Variants in UTP20 observed in about 807,000 individuals in gnomAD.
The protein encoded by UTP20 is UTP20 small subunit processome component.
Under a neutral mutation model 329.5 loss-of-function variants are expected in UTP20, and 164 were observed. The observed-to-expected ratio is 0.50, with a 90% CI of 0.44 to 0.57. The LOEUF (loss-of-function observed/expected upper bound fraction) is 0.57. UTP20 is among the 20% of genes least tolerant of loss of function. The pLI is 0.00. For missense variants in UTP20, 3,055 were observed against 3,284.2 expected, an observed-to-expected ratio of 0.93 and a Z score of 1.71; for synonymous variants, 1,151 against 1,159.3, an observed-to-expected ratio of 0.99 and a Z score of 0.14.
intron 2 of UTP20, among the ~76,000 whole-genome samples, chr12:101,284,760 C>T (rs1448699236): frequency 6.6e-6 from 1 of 152,130 alleles, no homozygotes; most frequent in African/African-American, 2.4e-5. Context: ...CCCATTATCT[C>T]ACTCCTCCCA....
chr12:101,351,250 C>G (rs570455067), intron 38 of UTP20, among the ~76,000 whole-genome samples: 2 of 152,212 alleles, frequency 1.3e-5, no homozygotes, highest in Non-Finnish European at 2.9e-5. Flanking sequence ...CCACAGCCTC[C>G]TGAGTAGCTG....
At chr12:101,310,724 G>A (rs1177697636) in intron 19 of UTP20, among the ~76,000 whole-genome samples, 2 of 151,892 alleles carry the variant, frequency 1.3e-5, no homozygotes, top group African/African-American at 4.8e-5. Context: ...AAACCCCAAC[G>A]ATTAGTTATT....
intron 40 of UTP20, among the ~76,000 whole-genome samples, chr12:101,354,000 C>T (rs1259441770): frequency 6.6e-6 from 1 of 152,046 alleles, no homozygotes; most frequent in Non-Finnish European, 1.5e-5. Context: ...TGGCTCACAC[C>T]TGTAATCCCA....
intron 45 of UTP20, 78 bp downstream of exon 45, chr12:101,363,821 C>A: frequency 2.2e-6 from 2 of 922,884 alleles, no homozygotes; most frequent in Non-Finnish European, 3.4e-6. Flanking sequence ...GCGGGGCAAA[C>A]TGAAACACTG....
chr12:101,292,196 G>C, intron 10 of UTP20, 92 bp downstream of exon 10: 4 of 1,372,160 alleles, frequency 2.9e-6, no homozygotes, highest in Non-Finnish European at 2.9e-6. Context: ...TGTGACAAAG[G>C]CTCTGCCCTC....
Position 101,386,207 on chromosome 12 carries a change from G to T in UTP20, c.*84G>T, listed in dbSNP as rs1323960085. On this transcript the variant is annotated 3_prime_UTR_variant, in exon 62 of 62. Coordinates refer to ENST00000261637, the MANE Select transcript of UTP20 (RefSeq NM_014503.3). Reference sequence around the variant, plus strand: ...ACAGTAGGTTGTCTGGGGTAGGGGGGAGGCGTTTTTTTTTTTTTTTGAGAC... The same window carrying T: ...ACAGTAGGTTGTCTGGGGTAGGGGGTAGGCGTTTTTTTTTTTTTTTGAGAC... 2.2e-6 allele frequency: 3 copies of T among 1,371,972 alleles called. No homozygotes were observed. The highest frequency in any genetic ancestry group is 2.0e-6 in the Non-Finnish European group (2 of 1,005,354). The allele number at this position is 1,371,972 out of a possible 1,614,324, so 85.0% of individuals were successfully genotyped here.
chr12:101,373,293 A>AT, intron 52 of UTP20, 108 bp from the exon 53 acceptor site: 2 of 1,113,746 alleles, frequency 1.8e-6, no homozygotes, highest in African/African-American at 1.6e-5. Context: ...AGCATTTTCC[A>AT]TTTTTTTAAG....
intron 26 of UTP20, among the ~76,000 whole-genome samples, chr12:101,328,730 G>C (rs1266907748): frequency 6.6e-6 from 1 of 152,032 alleles, no homozygotes. Flanking sequence ...CCAGCCAGGT[G>C]TGGTGGTGGG....
In UTP20 at chr12:101,312,207, T is replaced by C; in HGVS notation, c.2483T>C (p.Leu828Pro). 1 of 1,614,238 alleles carries C rather than the reference T, an allele frequency of 6.2e-7. No individual in the cohort carries two copies. The highest frequency in any genetic ancestry group is 1.1e-5 in the South Asian group (1 of 91,086). The change falls in exon 21 of 62, where the codon CTG becomes CCG. Residue 828 changes from leucine to proline, a missense_variant. By Grantham distance (98) the Leu-to-Pro change is moderately conservative. Around this residue, in one of 3 missense-constraint regions of UTP20, gnomAD observed 2,445 missense variants for 2,575.5 expected, o/e 0.95. Coordinates refer to ENST00000261637, the MANE Select transcript of UTP20 (RefSeq NM_014503.3). Reference sequence around the variant, plus strand: ...TTCAGATTCCTGCTCTGGAGAGCTCTGACCAAATTCCCAGAAAGAGTAGAG... The same window carrying C: ...TTCAGATTCCTGCTCTGGAGAGCTCCGACCAAATTCCCAGAAAGAGTAGAG... ...TNFRFLLWRA[L>P]TKFPERVEPR...
rs139827671 is a variant in UTP20, at chr12:101,372,908, T to C, written c.6823T>C (p.Tyr2275His). The C allele has an allele frequency of 8.1e-6, 13 of 1,614,046 alleles. No homozygotes were observed. The highest frequency in any genetic ancestry group is 1.1e-5 in the Non-Finnish European group (13 of 1,179,972). Residue 2275 changes from tyrosine to histidine, a missense_variant, in exon 52 of 62, where the codon TAT becomes CAT. Transcript: ENST00000261637. The stretch of plus-strand genomic sequence containing the variant: ...GGTTTTTCTGAAATATATTCTTGAC[T>C]ATCCCCTGGGTGACAAATTGAGACC... ...RQVFLKYILD[Y>H]PLGDKLRPNL...
chr12:101,332,389 C>G (rs1457378757), intron 27 of UTP20, among the ~76,000 whole-genome samples: 1 of 152,116 alleles, frequency 6.6e-6, no homozygotes, highest in Non-Finnish European at 1.5e-5. Flanking sequence ...CACATACATT[C>G]AATAAATTTG....
intron 44 of UTP20, 49 bp from the exon 45 acceptor site, chr12:101,363,527 A>T: frequency 1.3e-6 from 2 of 1,536,050 alleles, no homozygotes; most frequent in Non-Finnish European, 1.8e-6. Flanking sequence ...TTATGTTGGC[A>T]TATCTTGCTG....
At chr12:101,292,631 G>T (rs1272847053) in intron 10 of UTP20, among the ~76,000 whole-genome samples, 2 of 152,162 alleles carry the variant, frequency 1.3e-5, no homozygotes, top group African/African-American at 4.8e-5. Flanking sequence ...CAGAAGCGGG[G>T]TTAAAAATAC....
chr12:101,371,172 T>G lies in UTP20; in HGVS notation c.6798+4T>G, dbSNP rs1263521216. On this transcript the variant is annotated splice_donor_region_variant and intron_variant, in intron 51 of 61. Coordinates refer to ENST00000261637, the MANE Select transcript of UTP20 (RefSeq NM_014503.3). ...TGCCAGGGTCCAGTGTAGACAGGTT[T>G]GTAGAGAGCACTTATCCCCATAGCA... 4 of 1,603,744 alleles carry G rather than the reference T, an allele frequency of 2.5e-6. No individual in the cohort carries two copies. The highest frequency in any genetic ancestry group is 3.4e-6 in the Non-Finnish European group (4 of 1,174,784).
In UTP20 at chr12:101,321,609, T is replaced by C. The variant is rs1868375635; in HGVS notation, c.3021T>C (p.Asp1007=). The change falls in exon 25 of 62, where the codon GAT becomes GAC. Residue 1007 remains aspartate, a synonymous_variant. Coordinates refer to ENST00000261637, the MANE Select transcript of UTP20 (RefSeq NM_014503.3). ...NAVVKTAHRA[D]LFPILMRILY... ...TAGTGAAAACAGCCCACCGAGCAGA[T>C]CTATTTCCTATTCTGATGAGGTATT... 6.2e-7 allele frequency: 1 copy of C among 1,613,574 alleles called. No homozygotes were observed. The highest frequency in any genetic ancestry group is 8.5e-7 in the Non-Finnish European group (1 of 1,179,698).
chr12:101,345,027 C>A (rs1869276868), intron 36 of UTP20, among the ~76,000 whole-genome samples: 1 of 144,332 alleles, frequency 6.9e-6, no homozygotes, highest in South Asian at 2.3e-4. Flanking sequence ...CTCACTGCAA[C>A]CTCCGCCTCC....
chr12:101,386,129 C>T lies in UTP20; in HGVS notation c.*6C>T. The stretch of plus-strand genomic sequence containing the variant: ...ATTTAGCAATGGTGGAGTAATGTCT[C>T]CCTGTGCTGATACAAGCATGAACTT... On this transcript the variant is annotated 3_prime_UTR_variant, in exon 62 of 62. Transcript: ENST00000261637. The T allele has an allele frequency of 8.8e-6, 14 of 1,596,902 alleles. No homozygotes were observed. Among genetic ancestry groups the T allele is most frequent in the Non-Finnish European group, 1.2e-5 (14 of 1,176,402 alleles).
chr12:101,317,318 G>A (rs1451155423), intron 21 of UTP20, among the ~76,000 whole-genome samples, 160 bp from the exon 22 acceptor site: 1 of 152,192 alleles, frequency 6.6e-6, no homozygotes, highest in East Asian at 1.9e-4. Flanking sequence ...GAAGGACCAA[G>A]TTAGGAAAGA....
intron 5 of UTP20, among the ~76,000 whole-genome samples, chr12:101,287,128 A>G (rs1871986078): frequency 6.6e-6 from 1 of 152,110 alleles, no homozygotes; most frequent in African/African-American, 2.4e-5. Context: ...ATGTTCTATA[A>G]TTGCCACAGG....
Sources: allele counts gnomAD v4.1 joint callset (sites outside exome capture counted in the v4.1 genomes callset), GRCh38; gene constraint gnomAD v4.1.1; regional missense constraint gnomAD v4.1.1; transcripts MANE v1.5; gene names NCBI Gene and HGNC (gene_info 2026-07-23, HGNC 2026-07-21).